Variants in PBRM1 observed in about 807,000 individuals in gnomAD.
The protein encoded by PBRM1 is polybromo 1.
Under a neutral mutation model 194.5 loss-of-function variants are expected in PBRM1, and 27 were observed. That is an observed-to-expected ratio of 0.14 (90% confidence interval 0.10 to 0.19). The LOEUF is 0.19. Ranked by LOEUF, PBRM1 falls within the 10% of genes least tolerant of loss-of-function variation. The probability of loss-of-function intolerance (pLI) is 1.00; values close to 1 mark genes in which losing one functional copy is unlikely to be tolerated. For missense variants in PBRM1, 1,466 were observed against 2,077.2 expected, an observed-to-expected ratio of 0.71 and a Z score of 5.72; for synonymous variants, 655 against 693.2, an observed-to-expected ratio of 0.94 and a Z score of 0.87.
chr3:52,681,745 T>C (rs1561173997), upstream of PBRM1: 2 of 1,017,574 alleles, frequency 2.0e-6, no homozygotes, highest in Non-Finnish European at 2.4e-6. Flanking sequence ...CTCCTCATTA[T>C]GTCTGAAAGC....
intron 16 of PBRM1, among the ~76,000 whole-genome samples, chr3:52,607,966 A>G (rs555868093): frequency 2.0e-5 from 3 of 152,186 alleles, no homozygotes; most frequent in Admixed American, 2.0e-4. Flanking sequence ...TGCTCATAAC[A>G]TTCATCTTAT....
At chr3:52,624,645 T>C (rs2095387306) in intron 13 of PBRM1, among the ~76,000 whole-genome samples, 1 of 152,202 alleles carries the variant, frequency 6.6e-6, no homozygotes. Context: ...CAATGATTGG[T>C]GAGGGGGCCT....
chr3:52,648,286 C>A (rs2096386987), intron 7 of PBRM1, 58 bp downstream of exon 8: 11 of 938,574 alleles, frequency 1.2e-5, no homozygotes, highest in Non-Finnish European at 1.7e-5. Flanking sequence ...AAATTACTGA[C>A]CTTAAATTAT....
intron 21 of PBRM1, among the ~76,000 whole-genome samples, chr3:52,577,001 T>C (rs1320301718): frequency 6.6e-6 from 1 of 152,236 alleles, no homozygotes; most frequent in Non-Finnish European, 1.5e-5. Flanking sequence ...ACGTTCATGA[T>C]GAAAACAGAA....
chr3:52,556,928 G>GT (rs199532939), intron 26 of PBRM1, among the ~76,000 whole-genome samples: 6,455 of 137,818 alleles, frequency 0.047, 352 homozygotes, highest in African/African-American at 0.14. Flanking sequence ...TGCAGCTGCT[G>GT]TTTTTTTTTT....
chr3:52,616,099 C>T (rs2094936588), intron 14 of PBRM1, among the ~76,000 whole-genome samples: 2 of 152,158 alleles, frequency 1.3e-5, no homozygotes, highest in South Asian at 2.1e-4. Flanking sequence ...GAATAAGTGA[C>T]CTCCCTTGTC....
chr3:52,624,785 TAA>T (rs1309087612), intron 13 of PBRM1, 110 bp downstream of exon 15: 2 of 712,686 alleles, frequency 2.8e-6, no homozygotes, highest in Non-Finnish European at 4.9e-6. Flanking sequence ...GGCACCCCAA[TAA>T]AGACTTTTTT....
intron 13 of PBRM1, among the ~76,000 whole-genome samples, chr3:52,625,869 T>G (rs2095431096): frequency 6.6e-6 from 1 of 152,166 alleles, no homozygotes; most frequent in South Asian, 2.1e-4. Context: ...TGTGCCACTG[T>G]GCCTGGCCAA....
At chr3:52,638,586 T>G (rs2095921487) in intron 10 of PBRM1, among the ~76,000 whole-genome samples, 1 of 134,160 alleles carries the variant, frequency 7.5e-6, no homozygotes, top group African/African-American at 2.9e-5. Flanking sequence ...CTCAAATTCC[T>G]GACCTCGTAT....
chr3:52,660,003 A>C (rs1393516899), intron 4 of PBRM1, among the ~76,000 whole-genome samples: 3 of 152,226 alleles, frequency 2.0e-5, no homozygotes. Flanking sequence ...AGGCAGAAGA[A>C]TCGTTTGAAC....
intron 5 of PBRM1, among the ~76,000 whole-genome samples, chr3:52,653,374 G>C (rs138689660): frequency 6.6e-6 from 1 of 152,236 alleles, no homozygotes; most frequent in East Asian, 1.9e-4. Context: ...TGGATCACCT[G>C]AAGTCAGGAG....
At chr3:52,576,849 T>C in intron 21 of PBRM1, 151 bp from the exon 24 acceptor site, 8 of 499,642 alleles carry the variant, frequency 1.6e-5, no homozygotes. Context: ...ATTAATTTTT[T>C]CCCCCATTAA....
intron 21 of PBRM1, among the ~76,000 whole-genome samples, chr3:52,578,398 G>A (rs2153678649): frequency 6.6e-6 from 1 of 152,272 alleles, no homozygotes; most frequent in South Asian, 2.1e-4. Context: ...ACTGAATGAT[G>A]AACAGATATA....
Position 52,642,217 on chromosome 3 carries a change from G to A in PBRM1, c.996-172C>T, listed in dbSNP as rs193107228. Among the ~76,000 whole-genome samples the A allele has an allele frequency of 6.9e-3, 1,047 of 152,234 alleles. 3 individuals carry two copies. Among genetic ancestry groups the A allele is most frequent in the South Asian group, 0.022 (108 of 4,828 alleles). On this transcript the variant is annotated intron_variant, in intron 9 of 29. Transcript: ENST00000296302. ...ATGGTTCTCATAATCAATCTTAGCC[G>A]AGGAAACTATTTTTTTCCTCTTAGA...
intron 21 of PBRM1, 92 bp from the exon 24 acceptor site, chr3:52,576,790 T>G: frequency 1.1e-6 from 1 of 912,188 alleles, no homozygotes; most frequent in Non-Finnish European, 1.7e-6. Context: ...AACTTAGTAA[T>G]GTGTACCATT....
chr3:52,588,204 A>G (rs922367836), intron 18 of PBRM1, among the ~76,000 whole-genome samples: 3 of 152,172 alleles, frequency 2.0e-5, no homozygotes, highest in African/African-American at 7.2e-5. Flanking sequence ...GAAGGAATAC[A>G]AAAGTATTTC....
At chr3:52,576,616 G>A (rs2153659900) in exon 22 of PBRM1, 2 of 1,608,688 alleles carry the variant, frequency 1.2e-6, no homozygotes, top group African/African-American at 1.3e-5. Flanking sequence ...ATTTTTGTGG[G>A]CTCATGCTCT....
intron 3 of PBRM1, among the ~76,000 whole-genome samples, chr3:52,663,107 G>T (rs560822210): frequency 6.6e-6 from 1 of 152,266 alleles, no homozygotes; most frequent in East Asian, 1.9e-4. Context: ...GCATACATGG[G>T]ATGCCAATAG....
At chr3:52,617,204 C>A in intron 14 of PBRM1, 58 bp downstream of exon 16, 1 of 1,430,918 alleles carries the variant, frequency 7.0e-7, no homozygotes, top group Admixed American at 2.1e-5. Context: ...ATGCATTATT[C>A]TATAAGTACC....
Sources: allele counts gnomAD v4.1 joint callset (sites outside exome capture counted in the v4.1 genomes callset), GRCh38; gene constraint gnomAD v4.1.1; transcripts MANE v1.5; gene names NCBI Gene and HGNC (gene_info 2026-07-23, HGNC 2026-07-21).